Variants in DSE observed in about 807,000 individuals in gnomAD.
The protein encoded by DSE is dermatan sulfate epimerase, also known as dermatan-sulfate epimerase.
Under a neutral mutation model 84.4 loss-of-function variants are expected in DSE, and 36 were observed. The ratio of observed to expected loss-of-function variants is 0.43; its 90% CI spans 0.33 to 0.56. DSE has a LOEUF of 0.56. DSE is among the 20% of genes least tolerant of loss of function. The pLI is 0.06. For synonymous variants in DSE, 410 were observed against 430.1 expected (o/e 0.95, Z 0.58); for missense variants, 862 against 1,169.6 (o/e 0.74, Z 3.84).
chr6:116,399,646 G>A lies in DSE; in HGVS notation c.396G>A (p.Arg132=). Reference sequence around the variant, plus strand: ...ACATGGCCAAAGACTACATGGAGAGGATGGCAGCGCAGCCTAGTTGGTAGA... The same window carrying A: ...ACATGGCCAAAGACTACATGGAGAGAATGGCAGCGCAGCCTAGTTGGTAGA... ...ARDMAKDYME[R]MAAQPSWLVK... Residue 132 remains arginine, a synonymous_variant, in exon 2 of 6, where the codon AGG becomes AGA. Transcript: ENST00000644252. The A allele has an allele frequency of 1.2e-6, 2 of 1,613,562 alleles. No homozygotes were observed. The highest frequency in any genetic ancestry group is 1.7e-6 in the Non-Finnish European group (2 of 1,179,542).
chr6:116,354,406 C>T (rs1015092386), intron 2 of DSE, among the ~76,000 whole-genome samples: 1 of 152,124 alleles, frequency 6.6e-6, no homozygotes, highest in African/African-American at 2.4e-5. Flanking sequence ...GAGTCACCCC[C>T]TCATGCTGTC....
Position 116,436,488 on chromosome 6 carries a change from T to C in DSE, c.2020T>C (p.Phe674Leu), listed in dbSNP as rs1489320942. ...FIGPSIDVQS[F>L]TVHGDSQQLD... ...AGGGCCATCTATAGATGTTCAGAGC[T>C]TCACTGTCCACGGAGACTCTCAGCA... Residue 674 changes from phenylalanine to leucine, a missense_variant, in exon 6 of 6, where the codon TTC becomes CTC. Physicochemically the swap from Phe to Leu is conservative, Grantham distance 22. Coordinates refer to ENST00000644252, the MANE Select transcript of DSE (RefSeq NM_013352.4). 2 of 1,614,096 alleles carry C rather than the reference T, an allele frequency of 1.2e-6. No individual in the cohort carries two copies. Among genetic ancestry groups the C allele is most frequent in the Admixed American group, 1.7e-5 (1 of 60,024 alleles).
intron 2 of DSE, among the ~76,000 whole-genome samples, chr6:116,285,469 T>A (rs961695474): frequency 2.0e-5 from 3 of 152,372 alleles, no homozygotes; most frequent in South Asian, 2.1e-4. Context: ...ATTCTGTAGG[T>A]TGCCTATTCA....
chr6:116,331,192 T>TGCTAAGA (rs1776913280), intron 2 of DSE, among the ~76,000 whole-genome samples: 1 of 152,220 alleles, frequency 6.6e-6, no homozygotes, highest in African/African-American at 2.4e-5. Flanking sequence ...AAACTTTCTT[T>TGCTAAGA]CTGTGATCAG....
At chr6:116,319,732 C>G (rs1776192802) in intron 2 of DSE, among the ~76,000 whole-genome samples, 1 of 152,178 alleles carries the variant, frequency 6.6e-6, no homozygotes, top group Admixed American at 6.5e-5. Context: ...CTCTGTTGAT[C>G]TGACACTCAC....
intron 2 of DSE, among the ~76,000 whole-genome samples, chr6:116,334,104 T>G (rs571895092): frequency 3.7e-4 from 56 of 152,356 alleles, no homozygotes; most frequent in Middle Eastern, 3.4e-3. Flanking sequence ...TTTACACATT[T>G]GTTTCCCACC....
At chr6:116,307,455 T>C (rs1267563082) in intron 2 of DSE, among the ~76,000 whole-genome samples, 1 of 152,242 alleles carries the variant, frequency 6.6e-6, no homozygotes, top group African/African-American at 2.4e-5. Context: ...ATGCATTTGG[T>C]TGAAAACATT....
At chr6:116,261,607 T>G (rs1000849609) in intron 2 of DSE, among the ~76,000 whole-genome samples, 7 of 151,916 alleles carry the variant, frequency 4.6e-5, no homozygotes, top group Non-Finnish European at 1.0e-4. Flanking sequence ...TCTTGCCTGA[T>G]TGCCCTGGCC....
chr6:116,322,105 G>T, intron 2 of DSE, among the ~76,000 whole-genome samples: 1 of 91,390 alleles, frequency 1.1e-5, no homozygotes. Context: ...AGAGGGACGT[G>T]ATTGATTGAG....
intron 2 of DSE, chr6:116,423,028 A>G (rs961679214): frequency 6.6e-6 from 1 of 152,202 alleles, no homozygotes; most frequent in Admixed American, 6.5e-5. Flanking sequence ...CCCAGCTTCC[A>G]TTCCTTGTGT....
In DSE at chr6:116,375,637, CA is replaced by C. The variant is rs1037944766; in HGVS notation, c.-54+4519del. The C allele has an allele frequency of 4.8e-6, 4 of 835,396 alleles. No individual in the cohort carries two copies. The African/African-American group carries it at 7.4e-5, about 15-fold the overall frequency. The allele number at this position is 835,396 out of a possible 1,614,324, so 51.7% of individuals were successfully genotyped here. A position where few individuals can be genotyped will look rare whatever the true frequency, so the allele number is the denominator to read the frequency against. On this transcript the variant is annotated intron_variant, in intron 1 of 5. Transcript: ENST00000644252. ...ATGCTGAAGTCTTGCAGAAAAGAATCAAACTAGAAAGAGAAATACAAGGTAT... is the reference window on the plus strand; with the variant it reads ...ATGCTGAAGTCTTGCAGAAAAGAATCAACTAGAAAGAGAAATACAAGGTAT...
chr6:116,301,508 T>C (rs1037659139), intron 2 of DSE, among the ~76,000 whole-genome samples: 2 of 152,328 alleles, frequency 1.3e-5, no homozygotes, highest in Non-Finnish European at 2.9e-5. Context: ...TGATTCTTCC[T>C]ACACTCACTC....
chr6:116,379,941 G>T (rs1161360643), intron 1 of DSE, among the ~76,000 whole-genome samples: 2 of 152,090 alleles, frequency 1.3e-5, no homozygotes, highest in Admixed American at 6.6e-5. Flanking sequence ...CATAAACCCT[G>T]CACATAAGGA....
chr6:116,378,366 T>G (rs1002387404), intron 1 of DSE, among the ~76,000 whole-genome samples: 1 of 152,190 alleles, frequency 6.6e-6, no homozygotes, highest in African/African-American at 2.4e-5. Context: ...GTTGAAAATC[T>G]TAGAAATTAG....
chr6:116,423,425 G>GGT (rs1365149174), intron 2 of DSE, among the ~76,000 whole-genome samples: 2 of 152,106 alleles, frequency 1.3e-5, no homozygotes, highest in Non-Finnish European at 2.9e-5. Context: ...TGGAAATTGT[G>GGT]GTGATGTGTT....
upstream of DSE, among the ~76,000 whole-genome samples, chr6:116,368,023 G>T (rs2114901550): frequency 6.6e-6 from 1 of 152,298 alleles, no homozygotes; most frequent in South Asian, 2.1e-4. Context: ...TTGTAGACAT[G>T]AACCACAATT....
Position 116,348,445 on chromosome 6 carries a change from CA to C in DSE, c.-53-50743del, listed in dbSNP as rs970452347. On this transcript the variant is annotated intron_variant, in intron 2 of 3. Coordinates refer to the DSE transcript ENST00000430252. The stretch of plus-strand genomic sequence containing the variant: ...CCGTCTCAAAAAAAACAAAAAAAAA[CA>C]AAAAAAAAACCCCAAAAGTCAGGAA... Among the ~76,000 whole-genome samples the C allele has an allele frequency of 1.8e-4, 25 of 136,934 alleles. 1 individual carries two copies. Among genetic ancestry groups the C allele is most frequent in the Admixed American group, 9.2e-4 (13 of 14,106 alleles). The allele number at this position is 136,934 out of a possible 152,430, so 89.8% of individuals were successfully genotyped here.
chr6:116,363,734 A>G (rs1410602473), intron 2 of DSE, among the ~76,000 whole-genome samples: 1 of 152,200 alleles, frequency 6.6e-6, no homozygotes, highest in African/African-American at 2.4e-5. Flanking sequence ...ACAACACATT[A>G]AGCTTAACGC....
At chr6:116,430,634 C>T (rs1366260259) in intron 3 of DSE, among the ~76,000 whole-genome samples, 1 of 152,110 alleles carries the variant, frequency 6.6e-6, no homozygotes, top group Non-Finnish European at 1.5e-5. Context: ...CTCCACCTCC[C>T]GGGTTCACAC....
Sources: gnomAD v4.1 joint callset for allele counts (sites outside exome capture counted in the v4.1 genomes callset) on GRCh38, gnomAD v4.1.1 for gene constraint, MANE v1.5 for transcripts, NCBI Gene and HGNC (gene_info 2026-07-23, HGNC 2026-07-21) for gene names.